Variants in BEND6 observed in about 807,000 individuals in gnomAD.
BEND6 encodes BEN domain-containing protein 6.
A neutral mutation model predicts 31.8 loss-of-function variants in BEND6; 24 were observed. The observed-to-expected ratio is 0.75, with a 90% CI of 0.55 to 1.06. The LOEUF (loss-of-function observed/expected upper bound fraction) is 1.06, where lower values mean the gene tolerates loss of function less well. Among genes scored for constraint, BEND6 ranks in the 50% least tolerant of loss-of-function variants. The pLI is 0.00. For synonymous variants in BEND6, 109 were observed against 114.6 expected (o/e 0.95, Z 0.31); for missense variants, 294 against 327.4 (o/e 0.90, Z 0.79).
intron 3 of BEND6, 130 bp downstream of exon 3, chr6:56,992,685 AG>A: frequency 9.9e-7 from 1 of 1,014,828 alleles, no homozygotes. Flanking sequence ...TCACAGTTTT[AG>A]AAAAAATCAC....
chr6:56,981,748 T>C lies in BEND6; in HGVS notation c.-63T>C. Reference sequence around the variant, plus strand: ...CTTTTGAGCTACGTCCAGAATAGCATCATCTTCATGGGTATTCCCTACTCC... The same window carrying C: ...CTTTTGAGCTACGTCCAGAATAGCACCATCTTCATGGGTATTCCCTACTCC... On this transcript the variant is annotated 5_prime_UTR_variant, in exon 2 of 7. Coordinates refer to ENST00000370746, the MANE Select transcript of BEND6 (RefSeq NM_152731.3). 6.3e-7 allele frequency: 1 copy of C among 1,575,640 alleles called. No individual in the cohort carries two copies. Among genetic ancestry groups the C allele is most frequent in the Non-Finnish European group, 8.6e-7 (1 of 1,160,046 alleles).
intron 3 of BEND6, among the ~76,000 whole-genome samples, chr6:56,993,226 AATT>A (rs1489450471): frequency 1.3e-5 from 2 of 152,196 alleles, no homozygotes; most frequent in Non-Finnish European, 2.9e-5. Context: ...TTTTTTCAAA[AATT>A]ATGCTTTCCA....
At chr6:56,970,743 A>G (rs74476484) in intron 1 of BEND6, among the ~76,000 whole-genome samples, 3,488 of 152,284 alleles carry the variant, frequency 0.023, 147 homozygotes, top group African/African-American at 0.079. Flanking sequence ...ATAACATAAT[A>G]TTGACCTGAA....
At chr6:56,966,029 C>T (rs1825466533) in intron 1 of BEND6, among the ~76,000 whole-genome samples, 1 of 152,086 alleles carries the variant, frequency 6.6e-6, no homozygotes, top group African/African-American at 2.4e-5. Flanking sequence ...TATAGTCCTC[C>T]TAAAATAGAA....
chr6:56,957,224 A>T (rs1230776837), intron 1 of BEND6, among the ~76,000 whole-genome samples: 2 of 152,248 alleles, frequency 1.3e-5, no homozygotes, highest in African/African-American at 4.8e-5. Context: ...GCACACAAGA[A>T]CATCATTTAT....
intron 5 of BEND6, among the ~76,000 whole-genome samples, 162 bp downstream of exon 5, chr6:57,017,561 A>G (rs1228925748): frequency 6.6e-6 from 1 of 152,196 alleles, no homozygotes; most frequent in Non-Finnish European, 1.5e-5. Flanking sequence ...GGGAAATTTT[A>G]TAGAAAAACT....
chr6:56,957,183 G>A (rs551721094), intron 1 of BEND6, among the ~76,000 whole-genome samples: 3 of 152,156 alleles, frequency 2.0e-5, no homozygotes, highest in African/African-American at 2.4e-5. Flanking sequence ...ATCATCCTGC[G>A]TCTTGCTGCA....
chr6:56,978,099 T>A (rs1825949413), intron 1 of BEND6, among the ~76,000 whole-genome samples: 1 of 149,240 alleles, frequency 6.7e-6, no homozygotes, highest in Non-Finnish European at 1.5e-5. Flanking sequence ...ACCCTGTCTC[T>A]ACAAAAACAA....
chr6:56,975,953 T>C (rs2127847924), intron 1 of BEND6: 1 of 528,998 alleles, frequency 1.9e-6, no homozygotes, highest in South Asian at 1.4e-5. Context: ...CACCAGAGCA[T>C]ACACAGTCAT....
rs1006965214 is a variant in BEND6, at chr6:56,955,843, T to G, written c.-101+383T>G. Reference sequence around the variant, plus strand: ...TAGGGAGTGTGAGGCAATAGTGATCTCTCACACTTGCAGGCACACTCTGTC... The same window carrying G: ...TAGGGAGTGTGAGGCAATAGTGATCGCTCACACTTGCAGGCACACTCTGTC... On this transcript the variant is annotated intron_variant, in intron 1 of 6. Coordinates refer to ENST00000370746, the MANE Select transcript of BEND6 (RefSeq NM_152731.3). Among the ~76,000 whole-genome samples, 10 of 152,324 alleles carry G rather than the reference T, an allele frequency of 6.6e-5. No individual in the cohort carries two copies. In the South Asian group the frequency reaches 8.3e-4, roughly 13 times the overall value.
chr6:56,968,312 C>CTTTTTTTTTTTTTT (rs779756084), intron 1 of BEND6, among the ~76,000 whole-genome samples: 19 of 65,988 alleles, frequency 2.9e-4, no homozygotes, highest in East Asian at 5.5e-4. Context: ...TCTTTCTTTT[C>CTTTTTTTTTTTTTT]TTTTTTTTTT....
chr6:57,001,100 C>T (rs1826923247), intron 3 of BEND6, among the ~76,000 whole-genome samples: 1 of 150,092 alleles, frequency 6.7e-6, no homozygotes, highest in Non-Finnish European at 1.5e-5. Flanking sequence ...ACAAAATGAA[C>T]ATCACCAAGA....
At chr6:56,973,598 G>C (rs76833333) in intron 1 of BEND6, among the ~76,000 whole-genome samples, 1 of 152,096 alleles carries the variant, frequency 6.6e-6, no homozygotes, top group Non-Finnish European at 1.5e-5. Context: ...ATATCTTACT[G>C]TACTAAGTAT....
At chr6:57,006,825 A>G (rs1266443145) in intron 3 of BEND6, among the ~76,000 whole-genome samples, 1 of 152,202 alleles carries the variant, frequency 6.6e-6, no homozygotes, top group Non-Finnish European at 1.5e-5. Context: ...TATCACTCAA[A>G]TATACTACCA....
At chr6:57,013,690 A>G (rs1480230014) in intron 3 of BEND6, 1 of 152,508 alleles carries the variant, frequency 6.6e-6, no homozygotes, top group Non-Finnish European at 1.5e-5. Flanking sequence ...AGAAATTCCA[A>G]GGAACAGTTA....
intron 6 of BEND6, among the ~76,000 whole-genome samples, chr6:57,022,023 G>C (rs1827759609): frequency 6.6e-6 from 1 of 152,084 alleles, no homozygotes; most frequent in African/African-American, 2.4e-5. Context: ...GAAGATTTTT[G>C]TATCTGGCTC....
At chr6:56,995,081 C>T (rs1239289449) in intron 3 of BEND6, among the ~76,000 whole-genome samples, 2 of 152,060 alleles carry the variant, frequency 1.3e-5, no homozygotes, top group African/African-American at 4.8e-5. Context: ...TCTCAATCTC[C>T]TTCAGTGCAC....
chr6:57,018,411 T>G lies in BEND6; in HGVS notation c.713-10T>G, dbSNP rs771815863. 1.3e-6 allele frequency: 2 copies of G among 1,579,448 alleles called. No homozygotes were observed. The highest frequency in any genetic ancestry group is 3.9e-5 in the Admixed American group (2 of 50,732). ...GAAGTTTCTCATGTGTCGCTATTGGTTTTTTACAGGAGTAACAAAACAATT... is the reference window on the plus strand; with the variant it reads ...GAAGTTTCTCATGTGTCGCTATTGGGTTTTTACAGGAGTAACAAAACAATT... On this transcript the variant is annotated splice_polypyrimidine_tract_variant and intron_variant, in intron 5 of 6. Coordinates refer to ENST00000370746, the MANE Select transcript of BEND6 (RefSeq NM_152731.3).
At chr6:56,966,393 C>A (rs1422298135) in intron 1 of BEND6, among the ~76,000 whole-genome samples, 3 of 152,138 alleles carry the variant, frequency 2.0e-5, no homozygotes, top group African/African-American at 2.4e-5. Flanking sequence ...TGAGCCACTG[C>A]GCCTGGCCTG....
Sources: allele counts gnomAD v4.1 joint callset (sites outside exome capture counted in the v4.1 genomes callset), GRCh38; gene constraint gnomAD v4.1.1; transcripts MANE v1.5; gene names NCBI Gene and HGNC (gene_info 2026-07-23, HGNC 2026-07-21).